The following THSD7A variants were observed in gnomAD, a reference collection of about 807,000 sequenced individuals.
The protein encoded by THSD7A is thrombospondin type-1 domain-containing protein 7A.
Under a neutral mutation model 231.3 loss-of-function variants are expected in THSD7A, and 96 were observed. The ratio of observed to expected loss-of-function variants is 0.41; its 90% confidence interval spans 0.35 to 0.49. The LOEUF (loss-of-function observed/expected upper bound fraction) is 0.49. Ranked by LOEUF, THSD7A falls within the 20% of genes least tolerant of loss-of-function variation. The probability of loss-of-function intolerance (pLI) is 0.05; values close to 1 mark genes in which losing one functional copy is unlikely to be tolerated. For synonymous variants in THSD7A, 940 were observed against 743.3 expected (o/e 1.26, Z -4.30); for missense variants, 2,290 against 2,070.2 (o/e 1.11, Z -2.06).
chr7:11,812,518 T>C (rs1303409032), intron 1 of THSD7A, among the ~76,000 whole-genome samples: 1 of 152,142 alleles, frequency 6.6e-6, no homozygotes, highest in Non-Finnish European at 1.5e-5. Flanking sequence ...GAGAAAATGG[T>C]AAAATCTCAA....
intron 1 of THSD7A, among the ~76,000 whole-genome samples, chr7:11,728,051 G>C (rs545516386): frequency 2.0e-5 from 3 of 152,094 alleles, no homozygotes; most frequent in African/African-American, 7.2e-5. Context: ...CAAGGGACCA[G>C]CAGTCTCAGA....
chr7:11,509,689 GCGGGTGCCTGTAGTCCCAGCTACT>G (rs1217297418), intron 6 of THSD7A, among the ~76,000 whole-genome samples: 6 of 151,016 alleles, frequency 4.0e-5, no homozygotes, highest in African/African-American at 1.5e-4. Context: ...GGGCGCAGTG[GCGGGTGCCTGTAGTCCCAGCTACT>G]CGGGAGGCTG....
rs1178041693 is a variant in THSD7A at position 11,372,181 on chromosome 7, A to C, written c.*3613T>G. 1 of 152,112 alleles carries C rather than the reference A, an allele frequency of 6.6e-6. No individual in the cohort carries two copies. The highest frequency in any genetic ancestry group is 1.5e-5 in the Non-Finnish European group (1 of 68,028). 9.4% of individuals were successfully genotyped at this position (152,112 alleles called of 1,614,324 possible). ...AATCAAACTCCTAATACTGTGGCCT[A>C]AAGACATGTACATTACGTAGGGGAA... On this transcript the variant is annotated 3_prime_UTR_variant, in exon 28 of 28. Coordinates refer to ENST00000423059, the MANE Select transcript of THSD7A (RefSeq NM_015204.3).
At chr7:11,796,404 T>C (rs916179545) in intron 1 of THSD7A, among the ~76,000 whole-genome samples, 2 of 151,870 alleles carry the variant, frequency 1.3e-5, no homozygotes, top group African/African-American at 4.8e-5. Flanking sequence ...TTCAAAATAA[T>C]TTTGTACAGC....
At chr7:11,529,746 C>G (rs988920721) in intron 6 of THSD7A, among the ~76,000 whole-genome samples, 2 of 152,094 alleles carry the variant, frequency 1.3e-5, no homozygotes, top group Non-Finnish European at 2.9e-5. Context: ...ATAAATTAGC[C>G]AGTCTCAGAT....
chr7:11,612,123 C>G (rs1780954037), intron 2 of THSD7A, among the ~76,000 whole-genome samples: 2 of 152,100 alleles, frequency 1.3e-5, no homozygotes, highest in Non-Finnish European at 2.9e-5. Context: ...CCGTGTCCCT[C>G]CAAAGGTTCT....
chr7:11,749,965 C>T (rs1782444409), intron 1 of THSD7A, among the ~76,000 whole-genome samples: 1 of 151,358 alleles, frequency 6.6e-6, no homozygotes, highest in African/African-American at 2.4e-5. Flanking sequence ...GTAGTAGTGG[C>T]AGTTGTTAAT....
intron 9 of THSD7A, among the ~76,000 whole-genome samples, chr7:11,462,644 G>C (rs1785549024): frequency 6.6e-6 from 1 of 151,980 alleles, no homozygotes; most frequent in African/African-American, 2.4e-5. Flanking sequence ...AATTATTCCG[G>C]TCATTTATTA....
chr7:11,562,933 A>G (rs554389331), intron 4 of THSD7A, among the ~76,000 whole-genome samples: 7 of 152,338 alleles, frequency 4.6e-5, no homozygotes, highest in African/African-American at 1.7e-4. Flanking sequence ...TTACCAAAGC[A>G]GTTTTAATTT....
chr7:11,556,400 T>C (rs1789846790), intron 4 of THSD7A, among the ~76,000 whole-genome samples: 1 of 151,752 alleles, frequency 6.6e-6, no homozygotes, highest in African/African-American at 2.4e-5. Flanking sequence ...ATAGAAATCT[T>C]ACCCTCCCTC....
intron 7 of THSD7A, among the ~76,000 whole-genome samples, chr7:11,476,361 AC>A (rs1458817615): frequency 1.4e-5 from 2 of 142,856 alleles, no homozygotes; most frequent in African/African-American, 2.6e-5. Flanking sequence ...ACACACACAC[AC>A]CATTTTTTTA....
chr7:11,438,698 CA>C, intron 13 of THSD7A, among the ~76,000 whole-genome samples: 1 of 152,072 alleles, frequency 6.6e-6, no homozygotes, highest in African/African-American at 2.4e-5. Context: ...AAGTGGCCTA[CA>C]AAAACTGTAT....
intron 13 of THSD7A, among the ~76,000 whole-genome samples, chr7:11,433,218 C>T (rs1048755662): frequency 2.0e-5 from 3 of 151,996 alleles, no homozygotes; most frequent in African/African-American, 7.2e-5. Flanking sequence ...TACATTTTGA[C>T]TTTAATTATG....
At chr7:11,546,972 T>C (rs1344045744) in intron 4 of THSD7A, among the ~76,000 whole-genome samples, 1 of 151,774 alleles carries the variant, frequency 6.6e-6, no homozygotes, top group African/African-American at 2.4e-5. Flanking sequence ...GCTTGAAGAG[T>C]GGTTCTTCAA....
chr7:11,432,772 A>G (rs1409742157), intron 13 of THSD7A, among the ~76,000 whole-genome samples: 1 of 152,018 alleles, frequency 6.6e-6, no homozygotes, highest in Non-Finnish European at 1.5e-5. Context: ...GCTGCTATGA[A>G]TATTCTAGAA....
At chr7:11,621,313 C>T (rs568146329) in intron 2 of THSD7A, among the ~76,000 whole-genome samples, 2 of 152,216 alleles carry the variant, frequency 1.3e-5, no homozygotes, top group East Asian at 1.9e-4. Flanking sequence ...CACTGTATCC[C>T]AGTCACGACA....
At chr7:11,417,673 A>C in intron 16 of THSD7A, 70 bp from the exon 17 acceptor site, 2 of 1,494,292 alleles carry the variant, frequency 1.3e-6, no homozygotes, top group South Asian at 2.7e-5. Flanking sequence ...CAGGACAATT[A>C]GAATGACCAA....
chr7:11,723,844 A>C (rs1781447994), intron 1 of THSD7A, among the ~76,000 whole-genome samples: 1 of 151,964 alleles, frequency 6.6e-6, no homozygotes, highest in Non-Finnish European at 1.5e-5. Context: ...AAATTCAGAT[A>C]GTAAGTAACT....
At position 11,632,853 on chromosome 7, in the gene THSD7A, T is replaced by C. The variant is rs1781704327; in HGVS notation, c.1022+3277A>G. Among the ~76,000 whole-genome samples the C allele has an allele frequency of 6.6e-6, 1 of 152,196 alleles. No homozygotes were observed. ...AGGTCTTCTTTTAATTTCAGGAAAGTCTTATCCTTGTATTTTGTTGTGTTT... is the reference window on the plus strand; with the variant it reads ...AGGTCTTCTTTTAATTTCAGGAAAGCCTTATCCTTGTATTTTGTTGTGTTT... On this transcript the variant is annotated intron_variant, in intron 2 of 27. Transcript: ENST00000423059. The surrounding 1 kb of genome is among the most constrained non-coding windows in gnomAD (Gnocchi z 4.1).
Sources: allele counts gnomAD v4.1 joint callset (sites outside exome capture counted in the v4.1 genomes callset), GRCh38; gene constraint gnomAD v4.1.1; non-coding constraint Gnocchi (gnomAD v3.1); transcripts MANE v1.5; gene names NCBI Gene and HGNC (gene_info 2026-07-23, HGNC 2026-07-21).